CTNNA2: variants seen among roughly 807,000 people sequenced by gnomAD.
CTNNA2 encodes catenin alpha 2.
CTNNA2 carries 42 observed loss-of-function variants against 101.0 expected under a neutral mutation model. The ratio of observed to expected loss-of-function variants is 0.42; its 90% CI spans 0.32 to 0.54. The LOEUF (loss-of-function observed/expected upper bound fraction) is 0.54. Ranked by LOEUF, CTNNA2 falls within the 20% of genes least tolerant of loss-of-function variation. CTNNA2 has a pLI of 0.14. For synonymous variants in CTNNA2, 450 were observed against 456.4 expected (o/e 0.99, Z 0.18); for missense variants, 871 against 1,223.1 (o/e 0.71, Z 4.29).
At chr2:79,502,946 T>G (rs1041628714) in intron 4 of CTNNA2, among the ~76,000 whole-genome samples, 4 of 152,112 alleles carry the variant, frequency 2.6e-5, no homozygotes, top group African/African-American at 9.7e-5. Flanking sequence ...AGTATAGAGA[T>G]TCTGCAAGGG....
In CTNNA2 at chr2:79,567,597, G is replaced by C. The variant is rs117356929; in HGVS notation, c.-6+54390G>C. On this transcript the variant is annotated intron_variant, in intron 1 of 18. Transcript: ENST00000402739. The stretch of plus-strand genomic sequence containing the variant: ...TGTATAGCCTTCACCTCTCATCCCA[G>C]TCAAAATGAGTTTCACCTTCCTCTT... 5.9e-5 allele frequency among the ~76,000 whole-genome samples: 9 copies of C among 152,098 alleles called. No individual in the cohort carries two copies. The East Asian group carries it at 1.7e-3, about 30-fold the overall frequency.
At chr2:80,477,262 T>C (rs994552530) in intron 9 of CTNNA2, among the ~76,000 whole-genome samples, 5 of 152,200 alleles carry the variant, frequency 3.3e-5, no homozygotes, top group Non-Finnish European at 5.9e-5. Flanking sequence ...TTTTTGATTC[T>C]GATTATCTTA....
intron 2 of CTNNA2, among the ~76,000 whole-genome samples, chr2:79,655,275 A>C (rs909758225): frequency 3.3e-5 from 5 of 152,176 alleles, no homozygotes; most frequent in Non-Finnish European, 7.4e-5. Context: ...TAAATGAAAG[A>C]AAATATTAGA....
intron 4 of CTNNA2, among the ~76,000 whole-genome samples, chr2:79,504,508 T>A (rs1671370587): frequency 6.6e-6 from 1 of 152,162 alleles, no homozygotes; most frequent in Non-Finnish European, 1.5e-5. Context: ...CAGGCTGGTC[T>A]CACACTCCTG....
intron 2 of CTNNA2, among the ~76,000 whole-genome samples, chr2:79,220,789 T>C (rs1431243807): frequency 6.6e-6 from 1 of 152,206 alleles, no homozygotes; most frequent in Non-Finnish European, 1.5e-5. Context: ...AATTTTTAAC[T>C]GTTTCACCAA....
At chr2:79,550,816 T>C (rs1674054811) in intron 1 of CTNNA2, among the ~76,000 whole-genome samples, 1 of 152,126 alleles carries the variant, frequency 6.6e-6, no homozygotes, top group African/African-American at 2.4e-5. Flanking sequence ...AAACCTAATA[T>C]ACCCACAGTC....
chr2:80,215,235 T>C (rs903588943), intron 7 of CTNNA2, among the ~76,000 whole-genome samples: 2 of 152,144 alleles, frequency 1.3e-5, no homozygotes, highest in Admixed American at 6.6e-5. Flanking sequence ...AGTTTGTTAT[T>C]ACCGATCATC....
intron 6 of CTNNA2, among the ~76,000 whole-genome samples, chr2:79,878,100 G>T (rs1256383969): frequency 6.6e-6 from 1 of 152,114 alleles, no homozygotes. Context: ...GTTTGCTGAG[G>T]ATGATGGCTT....
At chr2:79,523,965 TG>T (rs1672259520) in intron 1 of CTNNA2, among the ~76,000 whole-genome samples, 1 of 152,114 alleles carries the variant, frequency 6.6e-6, no homozygotes, top group Non-Finnish European at 1.5e-5. Flanking sequence ...TTATATTCTC[TG>T]GGTATAAGTA....
chr2:80,549,689 C>T (rs557749024), intron 11 of CTNNA2, among the ~76,000 whole-genome samples: 1 of 152,140 alleles, frequency 6.6e-6, no homozygotes, highest in East Asian at 1.9e-4. Flanking sequence ...TTGCAACATT[C>T]CTCTCTCTCT....
intron 2 of CTNNA2, among the ~76,000 whole-genome samples, chr2:79,686,708 TC>T (rs1683954962): frequency 6.6e-6 from 1 of 152,106 alleles, no homozygotes; most frequent in Non-Finnish European, 1.5e-5. Context: ...TATGGTAACA[TC>T]TAAATATTGG....
chr2:80,088,499 A>G (rs572648817), intron 7 of CTNNA2, among the ~76,000 whole-genome samples: 1 of 152,190 alleles, frequency 6.6e-6, no homozygotes, highest in South Asian at 2.1e-4. Flanking sequence ...TTGTGGAATT[A>G]GTGGGAGTAG....
chr2:79,992,205 A>C (rs1193442028), intron 7 of CTNNA2, among the ~76,000 whole-genome samples: 1 of 152,224 alleles, frequency 6.6e-6, no homozygotes, highest in Non-Finnish European at 1.5e-5. Context: ...AATTAGAAGG[A>C]TAATTTAGAA....
At chr2:80,114,738 A>G (rs1701423626) in intron 7 of CTNNA2, among the ~76,000 whole-genome samples, 1 of 152,168 alleles carries the variant, frequency 6.6e-6, no homozygotes, top group South Asian at 2.1e-4. Flanking sequence ...TACCTTCTCA[A>G]AGGATGGCTG....
chr2:79,691,101 A>G (rs2104699902), intron 2 of CTNNA2, among the ~76,000 whole-genome samples: 1 of 152,156 alleles, frequency 6.6e-6, no homozygotes, highest in South Asian at 2.1e-4. Context: ...GTAGCTCCAA[A>G]TGACTGTTGA....
intron 7 of CTNNA2, among the ~76,000 whole-genome samples, chr2:80,245,923 T>C (rs777182746): frequency 6.8e-6 from 1 of 147,796 alleles, no homozygotes; most frequent in Non-Finnish European, 1.5e-5. Flanking sequence ...GCCTTCCGAG[T>C]AGCTGGGACT....
At chr2:80,443,566 G>A (rs2149445232) in intron 9 of CTNNA2, among the ~76,000 whole-genome samples, 1 of 152,286 alleles carries the variant, frequency 6.6e-6, no homozygotes, top group East Asian at 1.9e-4. Flanking sequence ...GTCACAGTCG[G>A]TTGAGTAGTA....
intron 7 of CTNNA2, among the ~76,000 whole-genome samples, chr2:80,367,625 T>C (rs1675058171): frequency 6.6e-6 from 1 of 152,124 alleles, no homozygotes; most frequent in Non-Finnish European, 1.5e-5. Flanking sequence ...ATAAATAGCT[T>C]TATGCTTGGT....
intron 7 of CTNNA2, among the ~76,000 whole-genome samples, chr2:80,292,899 G>A (rs1409883445): frequency 1.3e-5 from 2 of 152,080 alleles, no homozygotes; most frequent in African/African-American, 4.8e-5. Context: ...CCTACAGCAT[G>A]TTTGCTCTTT....
Sources: gnomAD v4.1 joint callset for allele counts (sites outside exome capture counted in the v4.1 genomes callset) on GRCh38, gnomAD v4.1.1 for gene constraint, MANE v1.5 for transcripts, NCBI Gene and HGNC (gene_info 2026-07-23, HGNC 2026-07-21) for gene names.